The following RMDN2 variants were observed in gnomAD, a reference collection of about 807,000 sequenced individuals.
RMDN2 encodes the protein regulator of microtubule dynamics 2.
Under a neutral mutation model 52.8 loss-of-function variants are expected in RMDN2, and 61 were observed. The ratio of observed to expected loss-of-function variants is 1.16; its 90% CI spans 0.94 to 1.43. RMDN2 has a LOEUF of 1.43. Among genes scored for constraint, RMDN2 ranks in the 40% most tolerant of loss-of-function variants. The pLI, the probability that RMDN2 is intolerant of heterozygous loss-of-function variation, is 0.00. For missense variants in RMDN2, 592 were observed against 475.3 expected, an observed-to-expected ratio of 1.25 and a Z score of -2.28; for synonymous variants, 180 against 153.1, an observed-to-expected ratio of 1.18 and a Z score of -1.30.
chr2:37,932,039 A>G (rs1470036607), intron 2 of RMDN2, among the ~76,000 whole-genome samples: 1 of 152,168 alleles, frequency 6.6e-6, no homozygotes, highest in Non-Finnish European at 1.5e-5. Context: ...AATAAGATAC[A>G]AAAAATTTAT....
chr2:37,962,745 G>T (rs943432081), intron 2 of RMDN2, among the ~76,000 whole-genome samples: 1 of 145,146 alleles, frequency 6.9e-6, no homozygotes, highest in African/African-American at 2.5e-5. Flanking sequence ...ACTGGGGTAC[G>T]AAAAAAAAAA....
At chr2:38,010,353 C>T (rs1255076996) in intron 10 of RMDN2, among the ~76,000 whole-genome samples, 1 of 152,222 alleles carries the variant, frequency 6.6e-6, no homozygotes. Context: ...CTGTGGTGGG[C>T]TCCACCTAAT....
intron 5 of RMDN2, among the ~76,000 whole-genome samples, chr2:37,985,212 G>A (rs1344452902): frequency 6.6e-6 from 1 of 152,024 alleles, no homozygotes; most frequent in Non-Finnish European, 1.5e-5. Context: ...GTTCTGATTT[G>A]CAGAAAATAG....
chr2:38,063,155 A>C (rs1372456899), intron 10 of RMDN2, among the ~76,000 whole-genome samples: 1 of 152,194 alleles, frequency 6.6e-6, no homozygotes, highest in African/African-American at 2.4e-5. Flanking sequence ...GCTGGGTCAA[A>C]TGGTATTTCT....
chr2:38,007,875 G>A (rs557547728), intron 10 of RMDN2, among the ~76,000 whole-genome samples: 1 of 152,082 alleles, frequency 6.6e-6, no homozygotes, highest in South Asian at 2.1e-4. Flanking sequence ...ACACTGCTTC[G>A]AATGTGTCCC....
chr2:38,004,060 G>C lies in RMDN2; in HGVS notation c.1098+16G>C, dbSNP rs1011462155. 1 of 1,610,268 alleles carries C rather than the reference G, an allele frequency of 6.2e-7. No individual in the cohort carries two copies. Among genetic ancestry groups the C allele is most frequent in the Non-Finnish European group, 8.5e-7 (1 of 1,176,654 alleles). On this transcript the variant is annotated intron_variant, in intron 9 of 10. Coordinates refer to ENST00000354545, the MANE Select transcript of RMDN2 (RefSeq NM_001170791.3). ...CTTAGCAAAGGTAATGAAGACCACT[G>C]TTCTGCTTTAAGATCACTTTGAACC... is the stretch of plus-strand genomic sequence containing the variant.
chr2:37,955,654 T>C (rs1669356783), intron 2 of RMDN2, among the ~76,000 whole-genome samples: 1 of 151,676 alleles, frequency 6.6e-6, no homozygotes, highest in Non-Finnish European at 1.5e-5. Context: ...TCTGATGGAG[T>C]TTTCAAGAGT....
chr2:37,998,464 C>T (rs80347204), intron 8 of RMDN2: 22,821 of 152,054 alleles, frequency 0.15, 1,773 homozygotes, highest in Non-Finnish European at 0.17. Flanking sequence ...AGTTCAAGGC[C>T]GCAGTGAGCC....
chr2:37,978,811 G>GATAGATAA (rs1672919490), intron 4 of RMDN2, among the ~76,000 whole-genome samples: 6 of 152,052 alleles, frequency 3.9e-5, no homozygotes, highest in Admixed American at 3.9e-4. Flanking sequence ...TAGATAGATA[G>GATAGATAA]ATAGAGAACA....
chr2:38,017,196 C>T lies in RMDN2; in HGVS notation c.1190C>T (p.Ala397Val). Residue 397 changes from alanine (A) to valine (V), a missense_variant, in exon 11 of 11, where the codon GCA (alanine) becomes GTA (valine). Transcript: ENST00000354545. ...GTATTTTCTTTATAGGATAAAGAGG[C>T]ACAGAAAGAGATGCAAAAAATAATG... ...LPTVTKEDKEAQKEMQKIMTS... is the reference protein window; with the variant it reads ...LPTVTKEDKEVQKEMQKIMTS... 6.5e-7 allele frequency: 1 copy of T among 1,527,726 alleles called. No individual in the cohort carries two copies. The highest frequency in any genetic ancestry group is 8.8e-7 in the Non-Finnish European group (1 of 1,133,274). 94.6% of individuals were successfully genotyped at this position (1,527,726 alleles called of 1,614,324 possible).
intron 2 of RMDN2, among the ~76,000 whole-genome samples, chr2:37,955,489 G>A (rs925143942): frequency 6.6e-6 from 1 of 152,064 alleles, no homozygotes; most frequent in Admixed American, 6.5e-5. Flanking sequence ...ATGTGGTATT[G>A]ATATGGTTTG....
At chr2:38,017,057 C>G (rs533321369) in intron 10 of RMDN2, 129 bp from the exon 11 acceptor site, 2 of 419,482 alleles carry the variant, frequency 4.8e-6, no homozygotes, top group South Asian at 1.6e-4. Flanking sequence ...GGTGATTGCA[C>G]GTACCCTCAT....
chr2:37,968,303 C>T (rs745838377), intron 2 of RMDN2, among the ~76,000 whole-genome samples: 40 of 146,534 alleles, frequency 2.7e-4, no homozygotes, highest in Non-Finnish European at 5.6e-4. Context: ...ATTAGCTGGG[C>T]ACCGTGGCAG....
chr2:38,030,751 G>C (rs1484878189), intron 10 of RMDN2: 1 of 152,206 alleles, frequency 6.6e-6, no homozygotes, highest in Non-Finnish European at 1.5e-5. Flanking sequence ...ACAAAGGTTA[G>C]ATTTGCTGAA....
Position 37,974,080 on chromosome 2 carries a change from C to G in RMDN2, c.493C>G (p.Pro165Ala), listed in dbSNP as rs754692547. The change falls in exon 3 of 11, where the codon CCA becomes GCA. Residue 165 changes from proline (P) to alanine (A), a missense_variant. Transcript: ENST00000354545. Reference protein sequence around the residue: ...ANTDTEEQSFPVPKAFNTRVE... With the variant: ...ANTDTEEQSFAVPKAFNTRVE... ...TACTGACACAGAAGAACAGAGTTTT[C>G]CAGTCCCTAAGGCATTTAACACACG... 1 of 1,611,776 alleles carries G rather than the reference C, an allele frequency of 6.2e-7. No homozygotes were observed. Among genetic ancestry groups the G allele is most frequent in the Non-Finnish European group, 8.5e-7 (1 of 1,178,924 alleles).
At chr2:38,016,601 C>A (rs1282145626) in intron 10 of RMDN2, among the ~76,000 whole-genome samples, 1 of 152,078 alleles carries the variant, frequency 6.6e-6, no homozygotes, top group Non-Finnish European at 1.5e-5. Context: ...TGGAGAGAAA[C>A]CCTATAAATG....
chr2:38,056,524 A>T (rs1308539499), intron 10 of RMDN2, among the ~76,000 whole-genome samples: 1 of 152,240 alleles, frequency 6.6e-6, no homozygotes, highest in East Asian at 1.9e-4. Context: ...GCTTAGAGAC[A>T]TAATAGATGC....
At chr2:38,020,732 C>T (rs1041780677), downstream of RMDN2, among the ~76,000 whole-genome samples, 3 of 152,230 alleles carry the variant, frequency 2.0e-5, no homozygotes, top group East Asian at 5.8e-4. Flanking sequence ...CTCACCAGGC[C>T]TTAGCTGCCT....
At chr2:37,944,103 A>G (rs1339222820) in intron 2 of RMDN2, among the ~76,000 whole-genome samples, 3 of 152,122 alleles carry the variant, frequency 2.0e-5, no homozygotes, top group Non-Finnish European at 4.4e-5. Flanking sequence ...TGCACCACCC[A>G]AGTTTTGCCA....
Sources: gnomAD v4.1 joint callset for allele counts (sites outside exome capture counted in the v4.1 genomes callset) on GRCh38, gnomAD v4.1.1 for gene constraint, MANE v1.5 for transcripts, NCBI Gene and HGNC (gene_info 2026-07-23, HGNC 2026-07-21) for gene names.